Variants in CD164L2 observed in about 807,000 individuals in gnomAD.
The protein encoded by CD164L2 is CD164 sialomucin-like 2 protein.
Under a neutral mutation model 23.9 loss-of-function variants are expected in CD164L2, and 21 were observed. That is an observed-to-expected ratio of 0.88 (90% CI 0.62 to 1.27). CD164L2 has a LOEUF of 1.27. CD164L2 is among the 50% of genes most tolerant of loss of function. CD164L2 has a pLI of 0.00. For missense variants in CD164L2, 230 were observed against 224.8 expected, an observed-to-expected ratio of 1.02 and a Z score of -0.15; for synonymous variants, 92 against 90.2, an observed-to-expected ratio of 1.02 and a Z score of -0.11.
intron 5 of CD164L2, 68 bp from the exon 6 acceptor site, chr1:27,379,577 G>A (rs903131917): frequency 1.3e-5 from 20 of 1,550,396 alleles, no homozygotes; most frequent in African/African-American, 4.1e-5. Flanking sequence ...CCCCTGCCTC[G>A]AGAGGAGGCA....
At chr1:27,382,444 G>T in intron 2 of CD164L2, 45 bp from the exon 3 acceptor site, 1 of 1,585,444 alleles carries the variant, frequency 6.3e-7, no homozygotes, top group Non-Finnish European at 8.6e-7. Context: ...AGAGGGGCCA[G>T]GGCCTTGGGG....
intron 3 of CD164L2, 182 bp from the exon 4 acceptor site, chr1:27,382,006 T>A: frequency 7.1e-7 from 1 of 1,417,308 alleles, no homozygotes; most frequent in Non-Finnish European, 9.5e-7. Flanking sequence ...TCTCCATCTC[T>A]ACCTTCCAGG....
rs187568809 is a variant in CD164L2, at chr1:27,379,936, G to A, written c.518+115C>T. ...GGCTCACATGGAGCACGCTGTCACCGTCCTGAGGGCTTGCCCATGGAGAAG... is the reference window on the plus strand; with the variant it reads ...GGCTCACATGGAGCACGCTGTCACCATCCTGAGGGCTTGCCCATGGAGAAG... On this transcript the variant is annotated intron_variant, in intron 5 of 5. Transcript: ENST00000374030. The A allele has an allele frequency of 1.1e-4, 166 of 1,538,816 alleles. 1 individual carries two copies. The highest frequency in any genetic ancestry group is 1.1e-3 in the Admixed American group (53 of 49,488).
At chr1:27,383,093 T>G in intron 1 of CD164L2, 59 bp downstream of exon 1, 1 of 1,390,404 alleles carries the variant, frequency 7.2e-7, no homozygotes, top group Non-Finnish European at 9.9e-7. Flanking sequence ...GACGGCTGGC[T>G]GAGGTGCAAG....
intron 4 of CD164L2, among the ~76,000 whole-genome samples, chr1:27,381,313 G>A (rs1364108500): frequency 6.6e-6 from 1 of 152,182 alleles, no homozygotes; most frequent in Non-Finnish European, 1.5e-5. Flanking sequence ...GCCAAGTCTG[G>A]TGACCTCCAG....
Position 27,382,599 on chromosome 1 carries a change from C to T in CD164L2, c.157G>A (p.Ala53Thr), listed in dbSNP as rs774283309. 15 of 1,613,184 alleles carry T rather than the reference C, an allele frequency of 9.3e-6. No homozygotes were observed. In the African/African-American group the frequency reaches 1.7e-4, roughly 19 times the overall value. ...TCACAGACCTCCAGCTGTTTGCAGG[C>T]CCCTTGGACCGCCGGCCAGATATTC... ...RLNIWPAVQG[A>T]CKQLEVCEHC... The change falls in exon 2 of 6, where the codon GCC becomes ACC. Residue 53 changes from alanine to threonine, a missense_variant. By Grantham distance (58) the Ala-to-Thr change is moderately conservative. Transcript: ENST00000374030.
In CD164L2 at chr1:27,380,128, C is replaced by T; in HGVS notation, c.441G>A (p.Val147=). 1 of 1,614,190 alleles carries T rather than the reference C, an allele frequency of 6.2e-7. No individual in the cohort carries two copies. Among genetic ancestry groups the T allele is most frequent in the Non-Finnish European group, 8.5e-7 (1 of 1,180,014 alleles). The change falls in exon 5 of 6, where the codon GTG becomes GTA. Residue 147 remains valine (V), a synonymous_variant. Coordinates refer to ENST00000374030, the MANE Select transcript of CD164L2 (RefSeq NM_001330448.1). The part of the protein sequence containing the change: ...FDGASFIGGV[V]LVLSLQAVAF... Reference sequence around the variant, plus strand: ...CCACCGCCTGTAGGCTCAACACCAGCACGACACCTCCGATAAAGCTGGCCC... The same window carrying T: ...CCACCGCCTGTAGGCTCAACACCAGTACGACACCTCCGATAAAGCTGGCCC...
intron 1 of CD164L2, 71 bp from the exon 2 acceptor site, chr1:27,382,738 C>A (rs1261548514): frequency 6.8e-7 from 1 of 1,471,362 alleles, no homozygotes; most frequent in Non-Finnish European, 9.1e-7. Context: ...ACCCTCCCAC[C>A]CAACACTCCG....
intron 3 of CD164L2, 34 bp downstream of exon 3, chr1:27,382,286 GGAGACCCA>G (rs2016349550): frequency 6.2e-7 from 1 of 1,614,028 alleles, no homozygotes; most frequent in Non-Finnish European, 8.5e-7. Flanking sequence ...CTATGGCTGG[GGAGACCCA>G]TGCAACTTGG....
chr1:27,379,423 C>A lies in CD164L2; in HGVS notation c.*80G>T. The A allele has an allele frequency of 8.9e-7, 1 of 1,129,164 alleles. No homozygotes were observed. Among genetic ancestry groups the A allele is most frequent in the Non-Finnish European group, 1.3e-6 (1 of 771,066 alleles). The allele number at this position is 1,129,164 out of a possible 1,614,324, so 69.9% of individuals were successfully genotyped here. On this transcript the variant is annotated 3_prime_UTR_variant, in exon 6 of 6. Transcript: ENST00000374030. The stretch of plus-strand genomic sequence containing the variant: ...GCCAGAGTTTTTCCCGCCCCCGCCC[C>A]CCGCTTACCCACAAGGGTGCCCAGA...
rs181483848 is a variant in CD164L2 at position 27,381,137 on chromosome 1, A to G, written c.373+643T>C. Among the ~76,000 whole-genome samples, 84 of 152,322 alleles carry G rather than the reference A, an allele frequency of 5.5e-4. No individual in the cohort carries two copies. The Middle Eastern group carries it at 0.01, about 19-fold the overall frequency. ...CAAACAGTGGTCCCAGCTCCCGCTC[A>G]GGGAGCCCCAGAGAAGGAAGCTGGG... On this transcript the variant is annotated intron_variant, in intron 4 of 5. Transcript: ENST00000374030.
rs1433565407 is a variant in CD164L2 at position 27,382,551 on chromosome 1, C to G, written c.205G>C (p.Ala69Pro). Residue 69 changes from alanine (A) to proline (P), a missense_variant, in exon 2 of 6, where the codon GCG becomes CCG. Transcript: ENST00000374030. ...VCEHCVEGDG[A>P]RNLSSCVWEQ... Reference sequence around the variant, plus strand: ...CACACGCAGCTGGAGAGATTGCGCGCTCCGTCTCCCTCCACGCAGTGCTCA... The same window carrying G: ...CACACGCAGCTGGAGAGATTGCGCGGTCCGTCTCCCTCCACGCAGTGCTCA... 4 of 1,613,792 alleles carry G rather than the reference C, an allele frequency of 2.5e-6. No individual in the cohort carries two copies. Among genetic ancestry groups the G allele is most frequent in the Non-Finnish European group, 3.4e-6 (4 of 1,179,908 alleles).
At position 27,379,303 on chromosome 1, in the gene CD164L2, T is replaced by C; in HGVS notation, c.*200A>G. On this transcript the variant is annotated 3_prime_UTR_variant, in exon 6 of 6. Transcript: ENST00000374030. ...TGGAGGAGACGAGGTGGTTGAGGGA[T>C]TTTCTCAGCTGCAGGTTCCAGGCCC... 1.6e-6 allele frequency: 1 copy of C among 613,348 alleles called. No homozygotes were observed. The highest frequency in any genetic ancestry group is 3.0e-6 in the Non-Finnish European group (1 of 337,318). The allele number at this position is 613,348 out of a possible 1,614,324, so 38.0% of individuals were successfully genotyped here.
In CD164L2 at chr1:27,381,832, G is replaced by A. The variant is rs1197929667; in HGVS notation, c.329-8C>T. Reference sequence around the variant, plus strand: ...TGGGGTGGTGGTGAGCAGCTGAGGAGACAGGTGATCCATAGCAAAGCAGCC... The same window carrying A: ...TGGGGTGGTGGTGAGCAGCTGAGGAAACAGGTGATCCATAGCAAAGCAGCC... On this transcript the variant is annotated splice_polypyrimidine_tract_variant and splice_region_variant and intron_variant, in intron 3 of 5. Transcript: ENST00000374030. 9.9e-6 allele frequency: 16 copies of A among 1,613,886 alleles called. No homozygotes were observed. Among genetic ancestry groups the A allele is most frequent in the African/African-American group, 1.3e-5 (1 of 74,878 alleles).
Position 27,383,232 on chromosome 1 carries a change from G to A in CD164L2, c.8C>T (p.Ala3Val). 6.5e-7 allele frequency: 1 copy of A among 1,543,366 alleles called. No individual in the cohort carries two copies. The highest frequency in any genetic ancestry group is 1.2e-5 in the South Asian group (1 of 83,874). ME[A>V]PGPRALRTAL... is the part of the protein sequence containing the mutation. ...AGTCCGCAAGGCGCGGGGTCCCGGA[G>A]CCTCCATGGGCTCGCGGGGTGGGGG... Residue 3 changes from alanine (A) to valine (V), a missense_variant, in exon 1 of 6, where the codon GCT (alanine) becomes GTT (valine). Ala to Val is a moderately conservative substitution (Grantham distance 64, BLOSUM62 0). Transcript: ENST00000374030.
Position 27,380,132 on chromosome 1 carries a change from A to ACACCTC in CD164L2, c.431_436dup (p.Gly144_Gly145dup). ...CGCCTGTAGGCTCAACACCAGCACG[A>ACACCTC]CACCTCCGATAAAGCTGGCCCCGTC... On this transcript the variant is annotated inframe_insertion, in exon 5 of 6. Transcript: ENST00000374030. 1.9e-6 allele frequency: 3 copies of ACACCTC among 1,614,078 alleles called. No homozygotes were observed. The highest frequency in any genetic ancestry group is 2.5e-6 in the Non-Finnish European group (3 of 1,179,984).
At position 27,382,598 on chromosome 1, in the gene CD164L2, G is replaced by A. The variant is rs1465641367; in HGVS notation, c.158C>T (p.Ala53Val). ...RLNIWPAVQGACKQLEVCEHC... is the reference protein window; with the variant it reads ...RLNIWPAVQGVCKQLEVCEHC... ...CTCACAGACCTCCAGCTGTTTGCAG[G>A]CCCCTTGGACCGCCGGCCAGATATT... is the stretch of plus-strand genomic sequence containing the variant. The change falls in exon 2 of 6, where the codon GCC becomes GTC. Residue 53 changes from alanine to valine, a missense_variant. Transcript: ENST00000374030. 1 of 1,613,322 alleles carries A rather than the reference G, an allele frequency of 6.2e-7. No individual in the cohort carries two copies. The highest frequency in any genetic ancestry group is 8.5e-7 in the Non-Finnish European group (1 of 1,179,944).
chr1:27,380,728 C>T (rs1367224426), intron 4 of CD164L2, among the ~76,000 whole-genome samples: 1 of 152,210 alleles, frequency 6.6e-6, no homozygotes, highest in Non-Finnish European at 1.5e-5. Context: ...AAGTGGAGGC[C>T]CCAACTGTCA....
At position 27,379,234 on chromosome 1, in the gene CD164L2, A is replaced by C; in HGVS notation, c.*269T>G. On this transcript the variant is annotated 3_prime_UTR_variant, in exon 6 of 6. Coordinates refer to ENST00000374030, the MANE Select transcript of CD164L2 (RefSeq NM_001330448.1). ...CCCAGGCCAGTTGGTGGAAAGAGGCAGGCATACAACCCACTGTCAGGCTGG... is the reference window on the plus strand; with the variant it reads ...CCCAGGCCAGTTGGTGGAAAGAGGCCGGCATACAACCCACTGTCAGGCTGG... 1 of 571,504 alleles carries C rather than the reference A, an allele frequency of 1.7e-6. No homozygotes were observed. The allele number at this position is 571,504 out of a possible 1,614,324, so 35.4% of individuals were successfully genotyped here.
Sources: allele counts gnomAD v4.1 joint callset (sites outside exome capture counted in the v4.1 genomes callset), GRCh38; gene constraint gnomAD v4.1.1; transcripts MANE v1.5; gene names NCBI Gene and HGNC (gene_info 2026-07-23, HGNC 2026-07-21).